FBN1: variants seen among roughly 807,000 people sequenced by gnomAD.
The protein encoded by FBN1 is fibrillin-1.
FBN1 carries 29 observed loss-of-function variants against 365.1 expected under a neutral mutation model. That is an observed-to-expected ratio of 0.08 (90% CI 0.06 to 0.11). The LOEUF (loss-of-function observed/expected upper bound fraction) is 0.11. Ranked by LOEUF, FBN1 falls within the 10% of genes least tolerant of loss-of-function variation. FBN1 has a pLI of 1.00. For missense variants in FBN1, 2,476 were observed against 3,703.2 expected, an observed-to-expected ratio of 0.67 and a Z score of 8.60; for synonymous variants, 1,210 against 1,270.5, an observed-to-expected ratio of 0.95 and a Z score of 1.01.
intron 6 of FBN1, among the ~76,000 whole-genome samples, chr15:48,560,001 A>G (rs931532321): frequency 1.3e-5 from 2 of 152,152 alleles, no homozygotes; most frequent in Non-Finnish European, 2.9e-5. Flanking sequence ...CTCACATAAT[A>G]AAGAGTTTTG....
chr15:48,421,133 G>A (rs1203393490), intron 62 of FBN1, among the ~76,000 whole-genome samples: 1 of 151,518 alleles, frequency 6.6e-6, no homozygotes, highest in African/African-American at 2.4e-5. Context: ...ACGTGTCAAA[G>A]CCACAGTCAA....
At chr15:48,566,694 T>G (rs2044260785) in intron 6 of FBN1, among the ~76,000 whole-genome samples, 1 of 152,128 alleles carries the variant, frequency 6.6e-6, no homozygotes, top group Non-Finnish European at 1.5e-5. Flanking sequence ...GACTGTGAGA[T>G]CTGGAAAGGA....
At chr15:48,419,163 A>G (rs936216589) in intron 63 of FBN1, among the ~76,000 whole-genome samples, 4 of 152,182 alleles carry the variant, frequency 2.6e-5, no homozygotes, top group African/African-American at 9.7e-5. Context: ...GCAATTTGGC[A>G]TTTGGAGACA....
intron 57 of FBN1, 134 bp downstream of exon 57, chr15:48,428,212 A>G (rs1289723143): frequency 3.5e-6 from 4 of 1,144,308 alleles, no homozygotes; most frequent in Non-Finnish European, 5.1e-6. Context: ...TCATTACGGC[A>G]TCTCCAAAAT....
chr15:48,585,352 G>C (rs1330081615), intron 6 of FBN1, among the ~76,000 whole-genome samples: 1 of 152,176 alleles, frequency 6.6e-6, no homozygotes. Context: ...TTCTCAAACA[G>C]TTCAGAGACA....
intron 30 of FBN1, among the ~76,000 whole-genome samples, chr15:48,484,881 G>A (rs1423023213): frequency 2.6e-5 from 4 of 152,192 alleles, no homozygotes; most frequent in African/African-American, 9.7e-5. Flanking sequence ...GTGTAAATTA[G>A]ACCACTGGTT....
intron 6 of FBN1, among the ~76,000 whole-genome samples, chr15:48,562,277 G>C (rs1042361454): frequency 6.6e-6 from 1 of 152,180 alleles, no homozygotes; most frequent in African/African-American, 2.4e-5. Flanking sequence ...AATTTTGGCA[G>C]ACCGTAGGCC....
intron 40 of FBN1, among the ~76,000 whole-genome samples, chr15:48,464,409 G>A (rs927594133): frequency 6.6e-6 from 1 of 152,094 alleles, no homozygotes; most frequent in Non-Finnish European, 1.5e-5. Context: ...TACTCTACTC[G>A]GGAGGCTGAG....
At chr15:48,474,869 T>C (rs891138926) in intron 32 of FBN1, among the ~76,000 whole-genome samples, 1 of 152,196 alleles carries the variant, frequency 6.6e-6, no homozygotes, top group African/African-American at 2.4e-5. Context: ...TTAACTCTAA[T>C]TATTTTCCGT....
In FBN1 at chr15:48,465,872, A is replaced by G; in HGVS notation, c.4748-14T>C. The stretch of plus-strand genomic sequence containing the variant: ...TTTTGTACTCGGCTATTGAAACAAA[A>G]ATTCAAATTGAGTTGTTTTGAATCT... On this transcript the variant is annotated splice_polypyrimidine_tract_variant and intron_variant, in intron 38 of 65. Transcript: ENST00000316623. The G allele has an allele frequency of 6.3e-7, 1 of 1,597,190 alleles. No individual in the cohort carries two copies.
intron 2 of FBN1, among the ~76,000 whole-genome samples, chr15:48,616,197 A>G (rs1889649195): frequency 6.6e-6 from 1 of 152,088 alleles, no homozygotes. Context: ...TTTTATTTGC[A>G]TCCTCTGACT....
At chr15:48,634,141 G>A (rs1209897637) in intron 2 of FBN1, among the ~76,000 whole-genome samples, 1 of 152,202 alleles carries the variant, frequency 6.6e-6, no homozygotes, top group African/African-American at 2.4e-5. Context: ...ATTAGGGTCT[G>A]ATTACACAAT....
intron 44 of FBN1, among the ~76,000 whole-genome samples, chr15:48,454,186 T>C (rs936283832): frequency 3.9e-5 from 6 of 152,218 alleles, no homozygotes; most frequent in African/African-American, 1.4e-4. Context: ...GAAAATGGCC[T>C]GAGAGTCTGA....
At chr15:48,444,927 T>TAC (rs1427603367) in intron 48 of FBN1, among the ~76,000 whole-genome samples, 1 of 29,026 alleles carries the variant, frequency 3.4e-5, no homozygotes, top group Non-Finnish European at 6.2e-5. Flanking sequence ...TCAGTGAGTA[T>TAC]ATAGATTTTA....
chr15:48,544,130 G>A (rs1324574362), intron 6 of FBN1, among the ~76,000 whole-genome samples: 1 of 151,944 alleles, frequency 6.6e-6, no homozygotes, highest in Non-Finnish European at 1.5e-5. Context: ...AATTTCAGGG[G>A]AAAGAAATTC....
chr15:48,617,373 C>T (rs1309645913), intron 2 of FBN1, among the ~76,000 whole-genome samples: 1 of 152,002 alleles, frequency 6.6e-6, no homozygotes, highest in Non-Finnish European at 1.5e-5. Context: ...CGGGGTTTCA[C>T]CATATTGGCC....
intron 9 of FBN1, among the ~76,000 whole-genome samples, chr15:48,525,246 C>T (rs1312040987): frequency 6.6e-6 from 1 of 152,082 alleles, no homozygotes; most frequent in Non-Finnish European, 1.5e-5. Flanking sequence ...GCCACGACGC[C>T]TGGCAAATTT....
intron 60 of FBN1, among the ~76,000 whole-genome samples, chr15:48,424,280 C>T (rs551329808): frequency 6.6e-6 from 1 of 152,336 alleles, no homozygotes; most frequent in Non-Finnish European, 1.5e-5. Context: ...AGGCCTCAGG[C>T]ACTTGCCCAT....
chr15:48,494,466 C>A (rs995356043), intron 22 of FBN1, among the ~76,000 whole-genome samples: 4 of 152,162 alleles, frequency 2.6e-5, no homozygotes, highest in African/African-American at 4.8e-5. Context: ...AGCTCAATTC[C>A]ACTAAGATAC....
Sources: gnomAD v4.1 joint callset for allele counts (sites outside exome capture counted in the v4.1 genomes callset) on GRCh38, gnomAD v4.1.1 for gene constraint, MANE v1.5 for transcripts, NCBI Gene and HGNC (gene_info 2026-07-23, HGNC 2026-07-21) for gene names.